Variants in GRAMD2B observed in about 807,000 individuals in gnomAD.
GRAMD2B encodes GRAM domain containing 2B, also known as GRAM domain-containing protein 2B.
In GRAMD2B, 41 loss-of-function variants were observed where a neutral mutation model predicts 59.2. That is an observed-to-expected ratio of 0.69 (90% confidence interval 0.54 to 0.90). The LOEUF (loss-of-function observed/expected upper bound fraction) is 0.90, where lower values mean the gene tolerates loss of function less well. Ranked by LOEUF, GRAMD2B falls within the 40% of genes least tolerant of loss-of-function variation. The pLI, the probability that GRAMD2B is intolerant of heterozygous loss-of-function variation, is 0.00. For missense variants in GRAMD2B, 424 were observed against 500.5 expected, an observed-to-expected ratio of 0.85 and a Z score of 1.46; for synonymous variants, 161 against 182.7, an observed-to-expected ratio of 0.88 and a Z score of 0.96.
chr5:126,390,955 T>C (rs1318686241), intron 1 of GRAMD2B, among the ~76,000 whole-genome samples: 1 of 152,180 alleles, frequency 6.6e-6, no homozygotes, highest in South Asian at 2.1e-4. Flanking sequence ...TTCCATACTC[T>C]AGCCACTTTG....
upstream of GRAMD2B, among the ~76,000 whole-genome samples, chr5:126,370,774 G>GTTTT (rs1238345646): frequency 6.6e-6 from 1 of 152,168 alleles, no homozygotes; most frequent in Non-Finnish European, 1.5e-5. Flanking sequence ...TTGTTTGTTT[G>GTTTT]TATTTGTTGT....
chr5:126,395,493 A>G (rs1580780451), intron 1 of GRAMD2B, among the ~76,000 whole-genome samples: 1 of 152,300 alleles, frequency 6.6e-6, no homozygotes, highest in African/African-American at 2.4e-5. Context: ...CTCTCACTGA[A>G]CCTCCCAGCA....
rs1343753337 is a variant in GRAMD2B at position 126,459,017 on chromosome 5, C to G, written c.84-6409C>G. ...GAAATCAGTCTTCTGTTGATGGTTTCCCTCCATTATTGTAGCAGGATTATC... is the reference window on the plus strand; with the variant it reads ...GAAATCAGTCTTCTGTTGATGGTTTGCCTCCATTATTGTAGCAGGATTATC... On this transcript the variant is annotated intron_variant, in intron 1 of 13. Coordinates refer to ENST00000285689, the MANE Select transcript of GRAMD2B (RefSeq NM_023927.4). 4 of 152,218 alleles carry G rather than the reference C, an allele frequency of 2.6e-5. No homozygotes were observed. In the East Asian group the frequency reaches 7.7e-4, roughly 29 times the overall value. The allele number at this position is 152,218 out of a possible 1,614,324, so 9.4% of individuals were successfully genotyped here.
intron 1 of GRAMD2B, among the ~76,000 whole-genome samples, chr5:126,451,867 G>A (rs1381262077): frequency 1.3e-5 from 2 of 152,092 alleles, no homozygotes; most frequent in Admixed American, 6.6e-5. Context: ...CACTCAGTTA[G>A]TTAATATGAG....
chr5:126,447,650 C>T lies in GRAMD2B; in HGVS notation c.84-17776C>T, dbSNP rs550671334. Among the ~76,000 whole-genome samples, 48 of 133,330 alleles carry T rather than the reference C, an allele frequency of 3.6e-4. 1 individual carries two copies. The South Asian group carries it at 6.7e-3, about 18-fold the overall frequency. The allele number at this position is 133,330 out of a possible 152,430, so 87.5% of individuals were successfully genotyped here. A position where few individuals can be genotyped will look rare whatever the true frequency, so the allele number is the denominator to read the frequency against. ...CTGCACTCCAGCCTGGGCGACAGAG[C>T]AAGACTCCGTCTCAAAAAAAGAAAA... On this transcript the variant is annotated intron_variant, in intron 1 of 13. Transcript: ENST00000285689.
chr5:126,494,068 G>T lies in GRAMD2B; in HGVS notation c.*1112G>T, dbSNP rs1426418796. The T allele has an allele frequency of 6.6e-6, 1 of 152,608 alleles. No homozygotes were observed. Among genetic ancestry groups the T allele is most frequent in the Admixed American group, 6.5e-5 (1 of 15,278 alleles). The allele number at this position is 152,608 out of a possible 1,614,324, so 9.5% of individuals were successfully genotyped here. A position where few individuals can be genotyped will look rare whatever the true frequency, so the allele number is the denominator to read the frequency against. On this transcript the variant is annotated 3_prime_UTR_variant, in exon 14 of 14. Transcript: ENST00000285689. ...ATCAGATAAGCTAATAAGCGAATTG[G>T]TTACATCGTTTGTATCTGTTGGCCT...
chr5:126,452,837 C>T (rs1025890790), intron 1 of GRAMD2B, among the ~76,000 whole-genome samples: 2 of 152,066 alleles, frequency 1.3e-5, no homozygotes, highest in African/African-American at 4.8e-5. Flanking sequence ...TATGATAGAC[C>T]TCACTAAGTA....
intron 1 of GRAMD2B, among the ~76,000 whole-genome samples, chr5:126,450,011 A>G (rs1310698704): frequency 1.3e-5 from 2 of 152,084 alleles, no homozygotes; most frequent in East Asian, 3.9e-4. Flanking sequence ...ACTCTGCTAC[A>G]ATGCCCATGT....
intron 1 of GRAMD2B, among the ~76,000 whole-genome samples, chr5:126,386,222 G>A (rs1756113704): frequency 6.6e-6 from 1 of 152,080 alleles, no homozygotes; most frequent in Non-Finnish European, 1.5e-5. Flanking sequence ...CTTTTGTGTA[G>A]CTGGACATCA....
rs1209896571 is a variant in GRAMD2B, at chr5:126,486,936, G to C, written c.1122G>C (p.Gln374His). The C allele has an allele frequency of 3.7e-6, 6 of 1,611,942 alleles. No homozygotes were observed. The African/African-American group carries it at 8.0e-5, about 22-fold the overall frequency. ...MRYRINTLEE[Q>H]LGLLTSIVDT... Reference sequence around the variant, plus strand: ...ACAGAATTAATACTCTGGAGGAGCAGCTGGGGTTACTAACCTCCATTGTGG... The same window carrying C: ...ACAGAATTAATACTCTGGAGGAGCACCTGGGGTTACTAACCTCCATTGTGG... The change falls in exon 12 of 14, where the codon CAG becomes CAC. Residue 374 changes from glutamine (Q) to histidine (H), a missense_variant. Physicochemically the swap from Gln to His is conservative, Grantham distance 24. Transcript: ENST00000285689.
chr5:126,446,912 G>A (rs1015500980), intron 1 of GRAMD2B, among the ~76,000 whole-genome samples: 1 of 152,070 alleles, frequency 6.6e-6, no homozygotes, highest in African/African-American at 2.4e-5. Context: ...TTTCCTTTCC[G>A]TTTCTTGGAA....
intron 1 of GRAMD2B, among the ~76,000 whole-genome samples, chr5:126,412,527 A>AT (rs1343740824): frequency 1.3e-5 from 2 of 152,038 alleles, no homozygotes; most frequent in African/African-American, 4.8e-5. Flanking sequence ...TGTCTTAAAA[A>AT]TTTTTGCATC....
At chr5:126,367,488 G>A (rs1295131354), upstream of GRAMD2B, among the ~76,000 whole-genome samples, 3 of 151,596 alleles carry the variant, frequency 2.0e-5, no homozygotes, top group African/African-American at 7.3e-5. Context: ...GGAAAAGGAG[G>A]GAGAGGAGGA....
intron 1 of GRAMD2B, among the ~76,000 whole-genome samples, chr5:126,406,157 C>T (rs1472136071): frequency 6.6e-6 from 1 of 151,812 alleles, no homozygotes; most frequent in East Asian, 1.9e-4. Flanking sequence ...GTCCTTCATT[C>T]TATTATTTTA....
chr5:126,394,032 C>G, intron 1 of GRAMD2B, among the ~76,000 whole-genome samples: 1 of 151,934 alleles, frequency 6.6e-6, no homozygotes, highest in East Asian at 1.9e-4. Flanking sequence ...CCCAGCACTT[C>G]GGGAGGCCAA....
At chr5:126,492,799 T>C in intron 13 of GRAMD2B, 116 bp from the exon 14 acceptor site, 1 of 641,254 alleles carries the variant, frequency 1.6e-6, no homozygotes, top group Non-Finnish European at 2.7e-6. Flanking sequence ...TTTAACCCTT[T>C]TGTAGCTTTT....
chr5:126,481,191 TAAAA>T lies in GRAMD2B; in HGVS notation c.735+496_735+499del, dbSNP rs1181378327. Among the ~76,000 whole-genome samples, 104 of 42,590 alleles carry T rather than the reference TAAAA, an allele frequency of 2.4e-3. 2 individuals carry two copies. The highest frequency in any genetic ancestry group is 0.012 in the African/African-American group (100 of 8,608). The allele number at this position is 42,590 out of a possible 152,430, so 27.9% of individuals were successfully genotyped here. On this transcript the variant is annotated intron_variant, in intron 8 of 13. Transcript: ENST00000285689. ...AAATGAATATGCTCAGAATTAACTG[TAAAA>T]AAAAAAAAAAAGAAAGAAAGAAAGA...
At chr5:126,390,948 C>CT (rs1756676642) in intron 1 of GRAMD2B, among the ~76,000 whole-genome samples, 5 of 152,096 alleles carry the variant, frequency 3.3e-5, no homozygotes, top group Non-Finnish European at 7.4e-5. Flanking sequence ...TTCTAAATTC[C>CT]ATACTCTAGC....
chr5:126,436,589 C>T (rs1400730761), intron 1 of GRAMD2B, among the ~76,000 whole-genome samples: 1 of 152,192 alleles, frequency 6.6e-6, no homozygotes, highest in Non-Finnish European at 1.5e-5. Flanking sequence ...GAGTTCAAAG[C>T]TGTTGTGAGC....
Sources: allele counts gnomAD v4.1 joint callset (sites outside exome capture counted in the v4.1 genomes callset), GRCh38; gene constraint gnomAD v4.1.1; transcripts MANE v1.5; gene names NCBI Gene and HGNC (gene_info 2026-07-23, HGNC 2026-07-21).